The following HIVEP2 variants were observed in gnomAD, a reference collection of about 807,000 sequenced individuals.
HIVEP2 encodes HIVEP zinc finger 2, also known as transcription factor HIVEP2.
HIVEP2 carries 14 observed loss-of-function variants against 180.7 expected under a neutral mutation model. The ratio of observed to expected loss-of-function variants is 0.08; its 90% CI spans 0.05 to 0.12. The LOEUF is 0.12. Among genes scored for constraint, HIVEP2 ranks in the 10% least tolerant of loss-of-function variants. The pLI is 1.00. For synonymous variants in HIVEP2, 1,184 were observed against 1,136.4 expected, an observed-to-expected ratio of 1.04 and a Z score of -0.84; for missense variants, 2,579 against 3,008.5, an observed-to-expected ratio of 0.86 and a Z score of 3.34.
intron 1 of HIVEP2, among the ~76,000 whole-genome samples, chr6:142,928,458 A>T (rs1360421718): frequency 2.6e-5 from 4 of 152,296 alleles, no homozygotes; most frequent in African/African-American, 9.6e-5. Context: ...AAATTTTTTT[A>T]TATGGTAAAG....
intron 1 of HIVEP2, among the ~76,000 whole-genome samples, chr6:142,913,438 GGA>G (rs1777468227): frequency 6.6e-6 from 1 of 152,176 alleles, no homozygotes; most frequent in Admixed American, 6.5e-5. Context: ...ATACTAAAAA[GGA>G]TTGAAGAGTT....
In HIVEP2 at chr6:142,935,834, G is replaced by A. The variant is rs928516229; in HGVS notation, c.-641+9265C>T. 4.6e-5 allele frequency among the ~76,000 whole-genome samples: 7 copies of A among 152,172 alleles called. No homozygotes were observed. In the East Asian group the frequency reaches 9.6e-4, roughly 21 times the overall value. ...ATCCTAATCCACTAGAAATTTTATA[G>A]CAAAAATTATCAGTTAAAAGATGAA... On this transcript the variant is annotated intron_variant, in intron 1 of 9. Coordinates refer to ENST00000367603, the MANE Select transcript of HIVEP2 (RefSeq NM_006734.4).
chr6:142,828,396 T>G (rs1774972264), intron 2 of HIVEP2, among the ~76,000 whole-genome samples: 1 of 152,160 alleles, frequency 6.6e-6, no homozygotes, highest in Non-Finnish European at 1.5e-5. Flanking sequence ...TTTGCTCAAC[T>G]CTCATTATCT....
At chr6:142,777,763 T>G (rs779653117) in intron 3 of HIVEP2, among the ~76,000 whole-genome samples, 1 of 151,806 alleles carries the variant, frequency 6.6e-6, no homozygotes, top group Non-Finnish European at 1.5e-5. Context: ...GTAAGTTTAA[T>G]TTTTGTTTAT....
intron 2 of HIVEP2, among the ~76,000 whole-genome samples, chr6:142,819,705 A>G (rs1387615050): frequency 2.6e-5 from 4 of 152,144 alleles, no homozygotes. Context: ...GTGTGACCCT[A>G]TGGGAAAATT....
chr6:142,857,696 C>T (rs556277517), intron 1 of HIVEP2, among the ~76,000 whole-genome samples: 2 of 152,338 alleles, frequency 1.3e-5, no homozygotes, highest in East Asian at 3.8e-4. Flanking sequence ...CCCACCCACA[C>T]ATTTTTCTTT....
intron 1 of HIVEP2, among the ~76,000 whole-genome samples, chr6:142,907,736 G>GGAC (rs1034928956): frequency 2.0e-5 from 3 of 152,130 alleles, no homozygotes; most frequent in African/African-American, 7.2e-5. Context: ...TCAACAGAGA[G>GGAC]GACCTGCGCT....
intron 2 of HIVEP2, among the ~76,000 whole-genome samples, chr6:142,831,530 C>T (rs1775080568): frequency 6.6e-6 from 1 of 152,206 alleles, no homozygotes; most frequent in Non-Finnish European, 1.5e-5. Flanking sequence ...CTTTGTCCTG[C>T]AGTCAATGTC....
intron 1 of HIVEP2, among the ~76,000 whole-genome samples, chr6:142,927,652 A>G (rs1777849287): frequency 6.6e-6 from 1 of 152,214 alleles, no homozygotes; most frequent in Non-Finnish European, 1.5e-5. Flanking sequence ...AGAATCTTTC[A>G]ATCTTATACT....
Position 142,773,743 on chromosome 6 carries a change from T to G in HIVEP2, c.996A>C (p.Lys332Asn). 6.2e-7 allele frequency: 1 copy of G among 1,614,020 alleles called. No individual in the cohort carries two copies. The highest frequency in any genetic ancestry group is 8.5e-7 in the Non-Finnish European group (1 of 1,179,994). ...TTTCATTAGGGAGAGGAATCCCACT[T>G]TTAGGGATAATCAAAATCGGCACCT... Reference protein sequence around the residue: ...PMKVPILIIPKSGIPLPNESS... With the variant: ...PMKVPILIIPNSGIPLPNESS... Residue 332 changes from lysine to asparagine, a missense_variant, in exon 5 of 10, where the codon AAA becomes AAC. This residue lies in a region of HIVEP2 where 142 missense variants were observed against 135.2 expected (regional missense o/e 1.05). Transcript: ENST00000367603.
chr6:142,936,834 T>TC (rs1201100979), intron 1 of HIVEP2, among the ~76,000 whole-genome samples: 1 of 152,154 alleles, frequency 6.6e-6, no homozygotes, highest in East Asian at 1.9e-4. Context: ...GAATTTTTTT[T>TC]TTTTTTTTTA....
intron 1 of HIVEP2, among the ~76,000 whole-genome samples, chr6:142,893,730 C>T (rs1429413557): frequency 3.3e-5 from 5 of 152,138 alleles, no homozygotes; most frequent in African/African-American, 4.8e-5. Context: ...TAACTCTGCC[C>T]TAAAGTCAGT....
rs558776321 is a variant in HIVEP2 at position 142,753,510 on chromosome 6, T to A, written c.6938A>T (p.Asp2313Val). Residue 2313 changes from aspartate (D) to valine (V), a missense_variant, in exon 10 of 10, where the codon GAC (aspartate) becomes GTC (valine). Around this residue, in one of 11 missense-constraint regions of HIVEP2, gnomAD observed 660 missense variants for 731.7 expected, o/e 0.90. Transcript: ENST00000367603. ...TTCCCGCTCTGTTGCGTTTAGGCTGTCTTCCGAAGTGCTCTGTTTCATCAA... is the reference window on the plus strand; with the variant it reads ...TTCCCGCTCTGTTGCGTTTAGGCTGACTTCCGAAGTGCTCTGTTTCATCAA... The part of the protein sequence containing the change: ...RLLMKQSTSE[D>V]SLNATEREQE... 6.2e-7 allele frequency: 1 copy of A among 1,614,176 alleles called. No individual in the cohort carries two copies. The highest frequency in any genetic ancestry group is 8.5e-7 in the Non-Finnish European group (1 of 1,180,044).
intron 1 of HIVEP2, among the ~76,000 whole-genome samples, chr6:142,868,798 A>C (rs1776211294): frequency 6.6e-6 from 1 of 152,240 alleles, no homozygotes; most frequent in Admixed American, 6.5e-5. Context: ...ATTGGATTAT[A>C]TTATGGTAAA....
At chr6:142,852,266 T>C (rs1442577789) in intron 1 of HIVEP2, among the ~76,000 whole-genome samples, 1 of 152,206 alleles carries the variant, frequency 6.6e-6, no homozygotes, top group Non-Finnish European at 1.5e-5. Flanking sequence ...GAAATGACTT[T>C]ATTTAATCTT....
intron 1 of HIVEP2, among the ~76,000 whole-genome samples, chr6:142,907,304 C>T (rs1252685318): frequency 6.6e-6 from 1 of 152,170 alleles, no homozygotes; most frequent in African/African-American, 2.4e-5. Context: ...TTACAACCAC[C>T]TGACGAAAAC....
At chr6:142,869,083 T>A (rs1776219033) in intron 1 of HIVEP2, among the ~76,000 whole-genome samples, 1 of 152,144 alleles carries the variant, frequency 6.6e-6, no homozygotes, top group African/African-American at 2.4e-5. Flanking sequence ...TTGTCACAAC[T>A]GGGGAGAAGG....
chr6:142,813,768 T>A (rs1303245852), intron 2 of HIVEP2, among the ~76,000 whole-genome samples: 2 of 151,884 alleles, frequency 1.3e-5, no homozygotes, highest in African/African-American at 4.8e-5. Flanking sequence ...GGTCTCACTG[T>A]ATTGCCCGGG....
At chr6:142,768,574 C>T (rs755389376) in intron 5 of HIVEP2, 38 bp from the exon 6 acceptor site, 6 of 1,603,174 alleles carry the variant, frequency 3.7e-6, no homozygotes, top group Non-Finnish European at 5.1e-6. Context: ...CACATGCTTT[C>T]TCCAAGACAC....
Sources: gnomAD v4.1 joint callset for allele counts (sites outside exome capture counted in the v4.1 genomes callset) on GRCh38, gnomAD v4.1.1 for gene constraint, gnomAD v4.1.1 regional missense constraint, MANE v1.5 for transcripts, NCBI Gene and HGNC (gene_info 2026-07-23, HGNC 2026-07-21) for gene names.